Variants in ATP10A observed in about 807,000 individuals in gnomAD.
ATP10A encodes ATPase phospholipid transporting 10A (putative), also known as phospholipid-transporting ATPase VA.
ATP10A carries 111 observed loss-of-function variants against 147.8 expected under a neutral mutation model. The ratio of observed to expected loss-of-function variants is 0.75; its 90% CI spans 0.64 to 0.88. The LOEUF (loss-of-function observed/expected upper bound fraction) is 0.88, where lower values mean the gene tolerates loss of function less well. ATP10A is among the 40% of genes least tolerant of loss of function. ATP10A has a pLI of 0.00. For missense variants in ATP10A, 1,927 were observed against 1,959.0 expected, an observed-to-expected ratio of 0.98 and a Z score of 0.31; for synonymous variants, 875 against 841.6, an observed-to-expected ratio of 1.04 and a Z score of -0.69.
At position 25,680,215 on chromosome 15, in the gene ATP10A, G is replaced by C. The variant is rs748429470; in HGVS notation, c.3772C>G (p.Pro1258Ala). ...TGCATAGTCCAGTAAGGGTTGGACG[G>C]AGGATAGCACGTGGCACAAGACGCA... is the stretch of plus-strand genomic sequence containing the variant. The part of the protein sequence containing the change: ...YNASCATCYP[P>A]SNPYWTMQAL... The change falls in exon 20 of 21, where the codon CCG becomes GCG. Residue 1258 changes from proline (P) to alanine (A), a missense_variant. By Grantham distance (27) the Pro-to-Ala change is conservative (BLOSUM62 -1). Coordinates refer to ENST00000555815, the MANE Select transcript of ATP10A (RefSeq NM_024490.4). The C allele has an allele frequency of 3.3e-5, 53 of 1,614,142 alleles. No homozygotes were observed. The highest frequency in any genetic ancestry group is 4.5e-5 in the Non-Finnish European group (53 of 1,179,970).
intron 2 of ATP10A, among the ~76,000 whole-genome samples, chr15:25,737,699 A>G (rs1227428570): frequency 6.6e-6 from 1 of 152,134 alleles, no homozygotes; most frequent in East Asian, 1.9e-4. Context: ...GAACTCATAT[A>G]TTGAAGTCCT....
rs1408973452 is a variant in ATP10A, at chr15:25,800,269, G to A, written c.450-19046C>T. ...GAGTTTTCTTTGGCTGCAGGTTCCC[G>A]TAGGGCTTCAGTGAGTTTTCTATGT... On this transcript the variant is annotated intron_variant, in intron 1 of 20. Coordinates refer to ENST00000555815, the MANE Select transcript of ATP10A (RefSeq NM_024490.4). Among the ~76,000 whole-genome samples the A allele has an allele frequency of 4.6e-5, 7 of 152,154 alleles. No homozygotes were observed. In the East Asian group the frequency reaches 5.8e-4, roughly 13 times the overall value.
chr15:25,802,449 C>T (rs756802181), intron 1 of ATP10A, among the ~76,000 whole-genome samples: 3 of 152,170 alleles, frequency 2.0e-5, no homozygotes, highest in Non-Finnish European at 4.4e-5. Context: ...CCCATGAACT[C>T]GCTTCCTGGG....
At chr15:25,680,758 G>T in intron 19 of ATP10A, 52 bp downstream of exon 19, 1 of 1,511,574 alleles carries the variant, frequency 6.6e-7, no homozygotes, top group Non-Finnish European at 9.2e-7. Flanking sequence ...GGAAGTGTGG[G>T]GTCCACGGCA....
intron 13 of ATP10A, among the ~76,000 whole-genome samples, chr15:25,701,533 C>T (rs1028279763): frequency 6.6e-6 from 1 of 152,216 alleles, no homozygotes; most frequent in Non-Finnish European, 1.5e-5. Flanking sequence ...GGGATTTAAA[C>T]AGACAAATCC....
In ATP10A at chr15:25,713,898, G is replaced by A. The variant is rs780906136; in HGVS notation, c.2120C>T (p.Ala707Val). 16 of 1,613,342 alleles carry A rather than the reference G, an allele frequency of 9.9e-6. 1 individual carries two copies. The Admixed American group carries it at 1.0e-4, about 10-fold the overall frequency. ...SPDEAALVYAARAYNCVLVER... is the reference protein window; with the variant it reads ...SPDEAALVYAVRAYNCVLVER... ...CACAAGCACGCAGTTGTAGGCTCTGGCCGCATACACCAGTGCGGCCTCATC... is the reference window on the plus strand; with the variant it reads ...CACAAGCACGCAGTTGTAGGCTCTGACCGCATACACCAGTGCGGCCTCATC... The change falls in exon 10 of 21, where the codon GCC becomes GTC. Residue 707 changes from alanine (A) to valine (V), a missense_variant. Physicochemically the swap from Ala to Val is moderately conservative, Grantham distance 64 (BLOSUM62 0). Coordinates refer to ENST00000555815, the MANE Select transcript of ATP10A (RefSeq NM_024490.4).
chr15:25,674,667 T>C (rs1045871197), downstream of ATP10A, among the ~76,000 whole-genome samples: 2 of 152,266 alleles, frequency 1.3e-5, no homozygotes, highest in Admixed American at 1.3e-4. Context: ...TCTTACATTA[T>C]TTATTATTTT....
intron 2 of ATP10A, among the ~76,000 whole-genome samples, chr15:25,769,209 G>A (rs1012291342): frequency 3.9e-5 from 6 of 152,042 alleles, no homozygotes; most frequent in Non-Finnish European, 8.8e-5. Context: ...CATATAGGCT[G>A]GGCATGGTGG....
At chr15:25,764,266 C>T (rs562215788) in intron 2 of ATP10A, among the ~76,000 whole-genome samples, 25 of 152,326 alleles carry the variant, frequency 1.6e-4, no homozygotes, top group South Asian at 1.0e-3. Flanking sequence ...GTGCACCGTG[C>T]AGCGCGGGCT....
At chr15:25,725,151 T>C (rs921011839) in intron 5 of ATP10A, among the ~76,000 whole-genome samples, 3 of 152,144 alleles carry the variant, frequency 2.0e-5, no homozygotes, top group Non-Finnish European at 2.9e-5. Flanking sequence ...GCACGAACCC[T>C]ATTGTGAATT....
chr15:25,779,344 T>C (rs1889780710), intron 2 of ATP10A, among the ~76,000 whole-genome samples: 1 of 152,240 alleles, frequency 6.6e-6, no homozygotes, highest in Non-Finnish European at 1.5e-5. Flanking sequence ...TAAGTGGCAC[T>C]CACCCTCTGT....
At chr15:25,818,791 C>T (rs1347150262) in intron 1 of ATP10A, among the ~76,000 whole-genome samples, 1 of 151,974 alleles carries the variant, frequency 6.6e-6, no homozygotes, top group Middle Eastern at 3.2e-3. Flanking sequence ...AACACTGATA[C>T]ATTCAACTGA....
At chr15:25,731,120 C>T (rs1902959015) in intron 3 of ATP10A, among the ~76,000 whole-genome samples, 2 of 152,224 alleles carry the variant, frequency 1.3e-5, no homozygotes, top group African/African-American at 4.8e-5. Flanking sequence ...TGTCACCCAC[C>T]AGGGCGAAGA....
intron 9 of ATP10A, among the ~76,000 whole-genome samples, chr15:25,715,224 G>A (rs1901723606): frequency 6.6e-6 from 1 of 152,194 alleles, no homozygotes; most frequent in African/African-American, 2.4e-5. Flanking sequence ...TTTGATACAG[G>A]TGCTTTTCCT....
chr15:25,759,085 C>G lies in ATP10A; in HGVS notation c.654+21934G>C, dbSNP rs1389794326. Among the ~76,000 whole-genome samples the G allele has an allele frequency of 2.6e-5, 4 of 152,326 alleles. No homozygotes were observed. In the East Asian group the frequency reaches 7.7e-4, roughly 29 times the overall value. The stretch of plus-strand genomic sequence containing the variant: ...GGCCACGTGCGTCAGGGATAAGAAC[C>G]CCTTCCCCTCCTTTGTCCAAATGTG... On this transcript the variant is annotated intron_variant, in intron 2 of 20. Transcript: ENST00000555815.
At chr15:25,714,995 CACACACAA>C (rs1901700761) in intron 9 of ATP10A, among the ~76,000 whole-genome samples, 1 of 130,224 alleles carries the variant, frequency 7.7e-6, no homozygotes. Flanking sequence ...CACACACACA[CACACACAA>C]TTGTTAAAGT....
At position 25,691,875 on chromosome 15, in the gene ATP10A, C is replaced by T. The variant is rs1216384674; in HGVS notation, c.3089-84G>A. Reference sequence around the variant, plus strand: ...CAATGTGCTAGATTTTCTTGGGAGTCCCCGCTGAACTCAGTCCTGTGAAAG... The same window carrying T: ...CAATGTGCTAGATTTTCTTGGGAGTTCCCGCTGAACTCAGTCCTGTGAAAG... On this transcript the variant is annotated intron_variant, in intron 14 of 20. Coordinates refer to ENST00000555815, the MANE Select transcript of ATP10A (RefSeq NM_024490.4). 163 of 1,528,926 alleles carry T rather than the reference C, an allele frequency of 1.1e-4. 1 individual carries two copies. The highest frequency in any genetic ancestry group is 5.3e-5 in the Non-Finnish European group (58 of 1,104,006). 94.7% of individuals were successfully genotyped at this position (1,528,926 alleles called of 1,614,324 possible). A position where few individuals can be genotyped will look rare whatever the true frequency, so the allele number is the denominator to read the frequency against.
rs1399616745 is a variant in ATP10A, at chr15:25,718,544, C to T, written c.1364-145G>A. 3.9e-6 allele frequency: 3 copies of T among 778,430 alleles called. No individual in the cohort carries two copies. In the African/African-American group the frequency reaches 5.2e-5, roughly 13 times the overall value. 48.2% of individuals were successfully genotyped at this position (778,430 alleles called of 1,614,324 possible). A position where few individuals can be genotyped will look rare whatever the true frequency, so the allele number is the denominator to read the frequency against. On this transcript the variant is annotated intron_variant, in intron 7 of 20. Transcript: ENST00000555815. ...CCACCCTTGCTCTCTAATAGCAAGGCACGGAGAACATCCTCAGTCAGCTGC... is the reference window on the plus strand; with the variant it reads ...CCACCCTTGCTCTCTAATAGCAAGGTACGGAGAACATCCTCAGTCAGCTGC...
At chr15:25,819,565 C>T (rs1891795817) in intron 1 of ATP10A, among the ~76,000 whole-genome samples, 1 of 148,604 alleles carries the variant, frequency 6.7e-6, no homozygotes, top group Admixed American at 6.7e-5. Context: ...AGCAATCCCA[C>T]GATAGGGTAT....
Sources: gnomAD v4.1 joint callset for allele counts (sites outside exome capture counted in the v4.1 genomes callset) on GRCh38, gnomAD v4.1.1 for gene constraint, MANE v1.5 for transcripts, NCBI Gene and HGNC (gene_info 2026-07-23, HGNC 2026-07-21) for gene names.